The following FBXW11 variants were observed in gnomAD, a reference collection of about 807,000 sequenced individuals.
The protein encoded by FBXW11 is F-box and WD repeat domain containing 11.
FBXW11 carries 19 observed loss-of-function variants against 77.6 expected under a neutral mutation model. The ratio of observed to expected loss-of-function variants is 0.24; its 90% CI spans 0.17 to 0.36. FBXW11 has a LOEUF of 0.36. FBXW11 is among the 10% of genes least tolerant of loss of function. The pLI, the probability that FBXW11 is intolerant of heterozygous loss-of-function variation, is 1.00. For missense variants in FBXW11, 334 were observed against 704.2 expected, an observed-to-expected ratio of 0.47 and a Z score of 5.95; for synonymous variants, 235 against 249.4, an observed-to-expected ratio of 0.94 and a Z score of 0.54.
Position 171,885,201 on chromosome 5 carries a change from T to A in FBXW11, c.852+6266A>T, listed in dbSNP as rs147814467. Among the ~76,000 whole-genome samples, 52 of 152,274 alleles carry A rather than the reference T, an allele frequency of 3.4e-4. No individual in the cohort carries two copies. The East Asian group carries it at 9.5e-3, about 28-fold the overall frequency. On this transcript the variant is annotated intron_variant, in intron 7 of 13. Transcript: ENST00000517395. ...TATCAAGAAGTACAGAATAACCTAG[T>A]ATAGTTTTAAAAGTTTCTTTTCCCT...
At chr5:171,971,599 A>C (rs964607149) in intron 1 of FBXW11, among the ~76,000 whole-genome samples, 2 of 151,898 alleles carry the variant, frequency 1.3e-5, no homozygotes, top group African/African-American at 2.4e-5. Context: ...ACCAGCAGCA[A>C]AAGTCATTAC....
rs900490693 is a variant in FBXW11, at chr5:171,904,222, G to A, written c.437-4122C>T. On this transcript the variant is annotated intron_variant, in intron 4 of 13. Transcript: ENST00000517395. The surrounding 1 kb of genome is among the most constrained non-coding windows in gnomAD (Gnocchi z 4.0). Reference sequence around the variant, plus strand: ...GCGCGCGAGAACCACTTGAACCTAGGAGGTGGCGGTTGCAGTAAGTGGAGA... The same window carrying A: ...GCGCGCGAGAACCACTTGAACCTAGAAGGTGGCGGTTGCAGTAAGTGGAGA... Among the ~76,000 whole-genome samples, 3 of 152,136 alleles carry A rather than the reference G, an allele frequency of 2.0e-5. No individual in the cohort carries two copies. The highest frequency in any genetic ancestry group is 4.4e-5 in the Non-Finnish European group (3 of 68,032).
At chr5:171,878,276 T>C in intron 7 of FBXW11, 147 bp from the exon 8 acceptor site, 1 of 621,882 alleles carries the variant, frequency 1.6e-6, no homozygotes. Context: ...AGGTAAGAAA[T>C]GACAAGAAGG....
At chr5:171,929,647 C>A (rs1423983760) in intron 2 of FBXW11, among the ~76,000 whole-genome samples, 1 of 151,758 alleles carries the variant, frequency 6.6e-6, no homozygotes, top group Non-Finnish European at 1.5e-5. Context: ...GTCAGGAGAT[C>A]GAGACCATCC....
intron 1 of FBXW11, among the ~76,000 whole-genome samples, chr5:171,991,905 A>G (rs1226834086): frequency 1.3e-5 from 2 of 151,588 alleles, no homozygotes; most frequent in African/African-American, 4.9e-5. Context: ...ACTTGAGGTC[A>G]GGAGTTCCAG....
At chr5:171,865,052 AAAGATC>A (rs966736246) in intron 13 of FBXW11, among the ~76,000 whole-genome samples, 11 of 152,172 alleles carry the variant, frequency 7.2e-5, no homozygotes, top group Admixed American at 7.2e-4. Context: ...CAATTTACAC[AAAGATC>A]AAGAATCTTA....
At chr5:171,912,952 A>G (rs1161797670) in intron 3 of FBXW11, among the ~76,000 whole-genome samples, 1 of 152,098 alleles carries the variant, frequency 6.6e-6, no homozygotes, top group Non-Finnish European at 1.5e-5. Flanking sequence ...GAACATGCTT[A>G]TGAAATAATA....
At chr5:171,988,538 T>C (rs1765565141) in intron 1 of FBXW11, among the ~76,000 whole-genome samples, 1 of 152,108 alleles carries the variant, frequency 6.6e-6, no homozygotes, top group South Asian at 2.1e-4. Context: ...GGGCAGCCTG[T>C]GGGAGTGGCA....
At chr5:171,951,425 A>T (rs1184973390) in intron 2 of FBXW11, among the ~76,000 whole-genome samples, 1 of 152,030 alleles carries the variant, frequency 6.6e-6, no homozygotes, top group African/African-American at 2.4e-5. Context: ...GGTCCCAGCT[A>T]CTCAGGAGGC....
intron 7 of FBXW11, among the ~76,000 whole-genome samples, chr5:171,880,570 A>G (rs143797078): frequency 3.0e-4 from 45 of 152,336 alleles, no homozygotes; most frequent in African/African-American, 8.9e-4. Context: ...AGCATGAAAT[A>G]TCTCTCCCCA....
intron 2 of FBXW11, among the ~76,000 whole-genome samples, chr5:171,935,065 C>T (rs145774745): frequency 2.0e-5 from 3 of 152,214 alleles, no homozygotes; most frequent in Admixed American, 2.0e-4. Context: ...GCTATTCTCC[C>T]GCCTCAGACT....
chr5:171,876,594 G>C lies in FBXW11; in HGVS notation c.972-60C>G. Reference sequence around the variant, plus strand: ...TGGAGACAGCCAGGAAATGATTCTGGTATCTGAGCTCTGTCTGGGTCTGCA... The same window carrying C: ...TGGAGACAGCCAGGAAATGATTCTGCTATCTGAGCTCTGTCTGGGTCTGCA... On this transcript the variant is annotated intron_variant, in intron 8 of 13. Transcript: ENST00000517395. The surrounding 1 kb of genome is among the most constrained non-coding windows in gnomAD (Gnocchi z 4.2). 6.3e-7 allele frequency: 1 copy of C among 1,586,176 alleles called. No homozygotes were observed. The highest frequency in any genetic ancestry group is 2.3e-5 in the East Asian group (1 of 44,424).
intron 6 of FBXW11, among the ~76,000 whole-genome samples, chr5:171,894,585 C>G (rs1052626768): frequency 6.6e-6 from 1 of 152,104 alleles, no homozygotes; most frequent in Non-Finnish European, 1.5e-5. Flanking sequence ...CCAAGGCCAC[C>G]GGCACAAGAA....
chr5:171,939,182 A>G (rs1762621292), intron 2 of FBXW11, among the ~76,000 whole-genome samples: 1 of 152,210 alleles, frequency 6.6e-6, no homozygotes, highest in African/African-American at 2.4e-5. Context: ...GGTTGCAGTG[A>G]GCCAAGACCA....
At chr5:172,004,142 A>C (rs1466055273) in intron 1 of FBXW11, among the ~76,000 whole-genome samples, 1 of 152,234 alleles carries the variant, frequency 6.6e-6, no homozygotes, top group Admixed American at 6.5e-5. Context: ...AGCCACATGC[A>C]ATTAGATTCT....
chr5:171,991,049 C>A (rs758952647), intron 1 of FBXW11, among the ~76,000 whole-genome samples: 4 of 152,142 alleles, frequency 2.6e-5, no homozygotes, highest in Non-Finnish European at 5.9e-5. Flanking sequence ...TGGTCTTGAA[C>A]TCCTAACCTC....
At chr5:171,979,396 T>C (rs1561744101) in intron 1 of FBXW11, among the ~76,000 whole-genome samples, 1 of 152,178 alleles carries the variant, frequency 6.6e-6, no homozygotes, top group Non-Finnish European at 1.5e-5. Flanking sequence ...GAAGAATACA[T>C]ACCATATATT....
chr5:171,944,592 A>C (rs1249228114), intron 2 of FBXW11, among the ~76,000 whole-genome samples: 4 of 150,934 alleles, frequency 2.7e-5, no homozygotes, highest in Non-Finnish European at 5.9e-5. Flanking sequence ...AAAAAAAAAA[A>C]AACAACTAAA....
intron 2 of FBXW11, among the ~76,000 whole-genome samples, chr5:171,945,745 C>T (rs1052900384): frequency 2.0e-5 from 3 of 152,206 alleles, no homozygotes; most frequent in Non-Finnish European, 4.4e-5. Context: ...CAAATCACCG[C>T]TGACTAAATT....
Sources: gnomAD v4.1 joint callset for allele counts (sites outside exome capture counted in the v4.1 genomes callset) on GRCh38, gnomAD v4.1.1 for gene constraint, Gnocchi (gnomAD v3.1) non-coding constraint, MANE v1.5 for transcripts, NCBI Gene and HGNC (gene_info 2026-07-23, HGNC 2026-07-21) for gene names.